Variants in LNX1 observed in about 807,000 individuals in gnomAD.
LNX1 encodes E3 ubiquitin-protein ligase LNX.
Under a neutral mutation model 68.4 loss-of-function variants are expected in LNX1, and 54 were observed. The ratio of observed to expected loss-of-function variants is 0.79; its 90% confidence interval spans 0.63 to 0.99. The LOEUF (loss-of-function observed/expected upper bound fraction) is 0.99, where lower values mean the gene tolerates loss of function less well. Among genes scored for constraint, LNX1 ranks in the 50% least tolerant of loss-of-function variants. The pLI is 0.00. For synonymous variants in LNX1, 336 were observed against 350.0 expected, an observed-to-expected ratio of 0.96 and a Z score of 0.45; for missense variants, 906 against 926.4, an observed-to-expected ratio of 0.98 and a Z score of 0.29.
At chr4:53,606,312 C>A (rs201765779) in intron 2 of LNX1, among the ~76,000 whole-genome samples, 1 of 152,080 alleles carries the variant, frequency 6.6e-6, no homozygotes, top group East Asian at 1.9e-4. Context: ...CACCTCTATG[C>A]ACACAAGCTA....
intron 2 of LNX1, among the ~76,000 whole-genome samples, chr4:53,601,984 T>A (rs777842688): frequency 1.9e-4 from 29 of 152,154 alleles, no homozygotes; most frequent in Admixed American, 3.9e-4. Flanking sequence ...CGTGACTGAC[T>A]TCTCCAGTCA....
chr4:53,465,458 C>T (rs760923199), intron 9 of LNX1, among the ~76,000 whole-genome samples: 2 of 152,164 alleles, frequency 1.3e-5, no homozygotes, highest in Non-Finnish European at 2.9e-5. Context: ...GCTGACATCA[C>T]GGCAAAATTT....
chr4:53,550,026 G>A (rs924325539), intron 2 of LNX1, among the ~76,000 whole-genome samples: 1 of 152,172 alleles, frequency 6.6e-6, no homozygotes, highest in African/African-American at 2.4e-5. Context: ...CTTGGAACTG[G>A]AGTGGCTTTA....
At chr4:53,495,308 G>A (rs546597837) in intron 6 of LNX1, among the ~76,000 whole-genome samples, 2 of 152,154 alleles carry the variant, frequency 1.3e-5, no homozygotes, top group East Asian at 1.9e-4. Context: ...TGACCCTGAC[G>A]AAGTCAACAA....
intron 1 of LNX1, among the ~76,000 whole-genome samples, chr4:53,643,682 G>A (rs917935605): frequency 6.6e-6 from 1 of 152,178 alleles, no homozygotes; most frequent in Non-Finnish European, 1.5e-5. Context: ...GCTTTGGAGT[G>A]TAACAGACCT....
In LNX1 at chr4:53,460,386, T is replaced by TA; in HGVS notation, c.*520dup. The TA allele has an allele frequency of 5.3e-6, 1 of 189,192 alleles. No homozygotes were observed. Among genetic ancestry groups the TA allele is most frequent in the African/African-American group, 2.3e-5 (1 of 42,962 alleles). 11.7% of individuals were successfully genotyped at this position (189,192 alleles called of 1,614,324 possible). On this transcript the variant is annotated 3_prime_UTR_variant, in exon 11 of 11. Coordinates refer to ENST00000263925, the MANE Select transcript of LNX1 (RefSeq NM_001126328.3). Reference sequence around the variant, plus strand: ...TAACATGGTATTTGAAAGAATAAATTACTAGGATCTTTTAAATAGTGATAA... The same window carrying TA: ...TAACATGGTATTTGAAAGAATAAATTAACTAGGATCTTTTAAATAGTGATAA...
At chr4:53,591,717 G>A (rs1732515789), upstream of LNX1, 1 of 330,104 alleles carries the variant, frequency 3.0e-6, no homozygotes, top group Non-Finnish European at 4.3e-6. Flanking sequence ...CAATTTGCCA[G>A]GTGGAATTTA....
intron 1 of LNX1, among the ~76,000 whole-genome samples, chr4:53,630,170 C>A (rs1734217051): frequency 6.6e-6 from 1 of 151,942 alleles, no homozygotes; most frequent in South Asian, 2.1e-4. Flanking sequence ...TCCAGGAGCT[C>A]CTGCTTAAAA....
intron 2 of LNX1, among the ~76,000 whole-genome samples, chr4:53,612,259 G>A (rs1733524627): frequency 6.6e-6 from 1 of 152,154 alleles, no homozygotes; most frequent in Admixed American, 6.5e-5. Flanking sequence ...GTAGGTAAGG[G>A]AGAACTTTCA....
chr4:53,535,747 C>A (rs1044135490), intron 2 of LNX1, among the ~76,000 whole-genome samples: 2 of 152,176 alleles, frequency 1.3e-5, no homozygotes, highest in African/African-American at 4.8e-5. Flanking sequence ...CTATTCCCTG[C>A]CTTTATGCCA....
At position 53,627,961 on chromosome 4, in the gene LNX1, G is replaced by A. The variant is rs112196083; in HGVS notation, c.-215+24207C>T. Among the ~76,000 whole-genome samples, 339 of 152,250 alleles carry A rather than the reference G, an allele frequency of 2.2e-3. 3 individuals are homozygous for A. Among genetic ancestry groups the A allele is most frequent in the African/African-American group, 7.7e-3 (321 of 41,556 alleles). On this transcript the variant is annotated intron_variant, in intron 1 of 2. Coordinates refer to the LNX1 transcript ENST00000507168. ...CATCATTCTGACTTCACAAGTCTCT[G>A]AGGAAAAAAGTGCATTTAGGAAAGA...
intron 1 of LNX1, among the ~76,000 whole-genome samples, chr4:53,626,212 T>G (rs1734069699): frequency 6.6e-6 from 1 of 152,124 alleles, no homozygotes; most frequent in Non-Finnish European, 1.5e-5. Flanking sequence ...AGAAAATATG[T>G]TCGTTTTCAA....
intron 9 of LNX1, among the ~76,000 whole-genome samples, chr4:53,468,359 G>A (rs1373141391): frequency 2.6e-5 from 4 of 152,138 alleles, no homozygotes; most frequent in Non-Finnish European, 5.9e-5. Context: ...ATATGGAAAG[G>A]AACAACCGTT....
At chr4:53,501,311 G>GGGGGGGGGGC (rs1553932778) in intron 4 of LNX1, among the ~76,000 whole-genome samples, 1 of 55,696 alleles carries the variant, frequency 1.8e-5, no homozygotes. Context: ...GGGGTGGGGG[G>GGGGGGGGGGC]ACAGGATCTC....
At chr4:53,591,903 G>A (rs1732529295), upstream of LNX1, 1 of 152,114 alleles carries the variant, frequency 6.6e-6, no homozygotes, top group South Asian at 2.1e-4. Context: ...AGAGTGTGAA[G>A]CCGAACTTCT....
intron 4 of LNX1, chr4:53,501,871 C>G (rs1202632464): frequency 1.3e-5 from 2 of 152,212 alleles, no homozygotes; most frequent in African/African-American, 4.8e-5. Flanking sequence ...CTGAGGAAAT[C>G]CAATCTCTCC....
intron 2 of LNX1, among the ~76,000 whole-genome samples, chr4:53,547,729 G>A (rs1035037259): frequency 1.3e-5 from 2 of 152,178 alleles, no homozygotes; most frequent in African/African-American, 4.8e-5. Context: ...GGAGAAGTGG[G>A]CTTAGAAGGG....
In LNX1 at chr4:53,508,079, G is replaced by C. The variant is rs1205504569; in HGVS notation, c.529C>G (p.Pro177Ala). 1.2e-6 allele frequency: 2 copies of C among 1,614,164 alleles called. No homozygotes were observed. The highest frequency in any genetic ancestry group is 1.1e-5 in the South Asian group (1 of 91,082). The part of the protein sequence containing the change: ...AATISLMTDE[P>A]GLDNPAYVSS... ...ACGTAGGCAGGGTTGTCTAGGCCAG[G>C]CTCGTCTGTCATTAAGGAGATGGTG... Residue 177 changes from proline (P) to alanine (A), a missense_variant, in exon 3 of 11, where the codon CCT (proline) becomes GCT (alanine). Physicochemically the swap from Pro to Ala is conservative, Grantham distance 27 (BLOSUM62 -1). Transcript: ENST00000263925.
chr4:53,461,705 C>G (rs990465150), intron 9 of LNX1, 112 bp from the exon 10 acceptor site: 34 of 756,638 alleles, frequency 4.5e-5, no homozygotes, highest in South Asian at 1.0e-4. Flanking sequence ...GGCTAAGTAC[C>G]ACTGCATAGG....
Sources: allele counts gnomAD v4.1 joint callset (sites outside exome capture counted in the v4.1 genomes callset), GRCh38; gene constraint gnomAD v4.1.1; transcripts MANE v1.5; gene names NCBI Gene and HGNC (gene_info 2026-07-23, HGNC 2026-07-21).